Variants in ATRN observed in about 807,000 individuals in gnomAD.
The protein encoded by ATRN is attractin-2.
ATRN carries 54 observed loss-of-function variants against 178.7 expected under a neutral mutation model. That is an observed-to-expected ratio of 0.30 (90% CI 0.24 to 0.38). The LOEUF is 0.38. Among genes scored for constraint, ATRN ranks in the 10% least tolerant of loss-of-function variants. The probability of loss-of-function intolerance (pLI) is 1.00; values close to 1 mark genes in which losing one functional copy is unlikely to be tolerated. For missense variants in ATRN, 1,443 were observed against 1,815.1 expected (o/e 0.79, Z 3.73); for synonymous variants, 636 against 663.0 (o/e 0.96, Z 0.63).
At chr20:3,585,966 A>T (rs1053713221) in intron 18 of ATRN, among the ~76,000 whole-genome samples, 6 of 152,182 alleles carry the variant, frequency 3.9e-5, no homozygotes, top group African/African-American at 1.4e-4. Context: ...GATATGTAGA[A>T]ATTGGAACTC....
At chr20:3,579,687 A>C (rs372679999) in intron 15 of ATRN, among the ~76,000 whole-genome samples, 2 of 152,108 alleles carry the variant, frequency 1.3e-5, no homozygotes, top group Non-Finnish European at 2.9e-5. Context: ...TTTAGTCTGG[A>C]GTCATAAATT....
intron 24 of ATRN, among the ~76,000 whole-genome samples, chr20:3,609,084 G>A (rs1428101329): frequency 6.6e-6 from 1 of 152,024 alleles, no homozygotes; most frequent in African/African-American, 2.4e-5. Flanking sequence ...TTGGTGTAGA[G>A]ATTACATTGA....
chr20:3,562,839 C>G (rs1350680689), intron 9 of ATRN, among the ~76,000 whole-genome samples: 1 of 152,130 alleles, frequency 6.6e-6, no homozygotes, highest in Non-Finnish European at 1.5e-5. Context: ...GTGCAATACT[C>G]CATTTTGTGG....
Position 3,572,917 on chromosome 20 carries a change from A to G in ATRN, c.2058A>G (p.Glu686=). 2.5e-6 allele frequency: 4 copies of G among 1,614,096 alleles called. No individual in the cohort carries two copies. The South Asian group carries it at 3.3e-5, about 13-fold the overall frequency. ...GGGCGCTGGCAACTGATGAACAAGA[A>G]GAAAAGTTAAAATCAGAATGTTTTT... ...ISWALATDEQ[E]EKLKSECFSK... Residue 686 remains glutamate (E), a synonymous_variant, in exon 12 of 29, where the codon GAA becomes GAG. Transcript: ENST00000262919.
intron 18 of ATRN, among the ~76,000 whole-genome samples, chr20:3,588,985 T>TTTTG (rs1288228337): frequency 5.3e-5 from 7 of 133,270 alleles, no homozygotes; most frequent in East Asian, 4.3e-4. Flanking sequence ...TCTTTTGTTT[T>TTTTG]TTTTTTTTTT....
chr20:3,643,456 A>T (rs540164803), intron 27 of ATRN, among the ~76,000 whole-genome samples: 1 of 152,178 alleles, frequency 6.6e-6, no homozygotes, highest in Admixed American at 6.5e-5. Flanking sequence ...GCTTGAGCCC[A>T]GGAGTTCAAG....
chr20:3,582,106 A>C, intron 15 of ATRN, 29 bp from the exon 16 acceptor site: 1 of 1,570,938 alleles, frequency 6.4e-7, no homozygotes, highest in South Asian at 1.1e-5. Context: ...TACTATCTGT[A>C]TTCATAGTTG....
intron 24 of ATRN, among the ~76,000 whole-genome samples, chr20:3,611,940 T>TA (rs1192522139): frequency 6.6e-6 from 1 of 152,198 alleles, no homozygotes; most frequent in African/African-American, 2.4e-5. Flanking sequence ...CTTTGTTTCT[T>TA]AAAAAACTAA....
intron 3 of ATRN, among the ~76,000 whole-genome samples, chr20:3,544,010 GGCTAGACCTTGGGTCTA>G (rs750119000): frequency 4.6e-5 from 7 of 152,080 alleles, no homozygotes; most frequent in South Asian, 2.1e-4. Flanking sequence ...CTCTAGCTTG[GGCTAGACCTTGGGTCTA>G]GCTAGACCTT....
intron 1 of ATRN, among the ~76,000 whole-genome samples, chr20:3,529,725 C>CT (rs1418352811): frequency 1.3e-5 from 2 of 152,182 alleles, no homozygotes; most frequent in Non-Finnish European, 2.9e-5. Flanking sequence ...GGAGATTACA[C>CT]TTTGTGTATA....
chr20:3,537,738 A>G (rs1428375157), intron 2 of ATRN, among the ~76,000 whole-genome samples: 1 of 144,984 alleles, frequency 6.9e-6, no homozygotes, highest in African/African-American at 2.6e-5. Flanking sequence ...TCCTATTCCC[A>G]CCTATAAGTG....
intron 24 of ATRN, among the ~76,000 whole-genome samples, chr20:3,608,246 T>C (rs973797194): frequency 6.6e-6 from 1 of 152,206 alleles, no homozygotes; most frequent in Non-Finnish European, 1.5e-5. Flanking sequence ...TTTTGTTGCC[T>C]GTGATTTCGA....
chr20:3,612,794 G>A (rs559265840), intron 24 of ATRN, among the ~76,000 whole-genome samples: 114 of 152,112 alleles, frequency 7.5e-4, no homozygotes, highest in African/African-American at 2.5e-3. Context: ...ATTGAACATC[G>A]TGCTTTGTTG....
Position 3,578,915 on chromosome 20 carries a change from CTG to C in ATRN, c.2544+146_2544+147del, listed in dbSNP as rs1240246077. 8.7e-6 allele frequency: 6 copies of C among 691,308 alleles called. No individual in the cohort carries two copies. In the East Asian group the frequency reaches 1.1e-4, roughly 13 times the overall value. The allele number at this position is 691,308 out of a possible 1,614,324, so 42.8% of individuals were successfully genotyped here. ...GTGCTGGTGAACGCAGCCTGAGGGA[CTG>C]TGGGTTTGTGCTGTCAGAGTCTCTT... On this transcript the variant is annotated intron_variant, in intron 15 of 28. Transcript: ENST00000262919.
At chr20:3,639,368 C>T (rs2087049995) in intron 27 of ATRN, among the ~76,000 whole-genome samples, 1 of 152,014 alleles carries the variant, frequency 6.6e-6, no homozygotes, top group African/African-American at 2.4e-5. Flanking sequence ...TTCTCTTGCC[C>T]CAGCCTCCTG....
intron 1 of ATRN, among the ~76,000 whole-genome samples, chr20:3,510,064 G>A (rs1163458300): frequency 6.6e-6 from 1 of 152,130 alleles, no homozygotes; most frequent in Non-Finnish European, 1.5e-5. Flanking sequence ...TGTATTTTCT[G>A]AGAATAGTGA....
At chr20:3,637,281 A>C (rs2087032301) in intron 26 of ATRN, among the ~76,000 whole-genome samples, 1 of 152,198 alleles carries the variant, frequency 6.6e-6, no homozygotes, top group Admixed American at 6.5e-5. Flanking sequence ...TTTAAAAACA[A>C]TAGTAGTAGC....
At chr20:3,540,158 A>G (rs971210699) in intron 2 of ATRN, 64 bp from the exon 3 acceptor site, 4 of 938,912 alleles carry the variant, frequency 4.3e-6, no homozygotes, top group African/African-American at 1.7e-5. Flanking sequence ...CTGAATTTTT[A>G]TATTCTCAAA....
At chr20:3,566,358 C>G (rs758226337) in intron 11 of ATRN, among the ~76,000 whole-genome samples, 42 of 152,144 alleles carry the variant, frequency 2.8e-4, no homozygotes, top group Non-Finnish European at 4.4e-5. Context: ...TCAGAGTGGC[C>G]ACTCTACTTG....
Sources: allele counts gnomAD v4.1 joint callset (sites outside exome capture counted in the v4.1 genomes callset), GRCh38; gene constraint gnomAD v4.1.1; transcripts MANE v1.5; gene names NCBI Gene and HGNC (gene_info 2026-07-23, HGNC 2026-07-21).